KCNC4: variants seen among roughly 807,000 people sequenced by gnomAD.
KCNC4 encodes the protein voltage-gated potassium channel KCNC4.
Under a neutral mutation model 42.8 loss-of-function variants are expected in KCNC4, and 23 were observed. The observed-to-expected ratio is 0.54, with a 90% CI of 0.39 to 0.76. KCNC4 has a LOEUF of 0.76. Ranked by LOEUF, KCNC4 falls within the 30% of genes least tolerant of loss-of-function variation. The pLI is 0.00. For missense variants in KCNC4, 751 were observed against 898.2 expected (o/e 0.84, Z 2.10); for synonymous variants, 422 against 393.5 (o/e 1.07, Z -0.86).
chr1:110,264,040 T>C (rs1659498674), intron 1 of KCNC4, among the ~76,000 whole-genome samples: 2 of 152,152 alleles, frequency 1.3e-5, no homozygotes. Flanking sequence ...TTTTTTTAAC[T>C]GAACAGGTGT....
intron 1 of KCNC4, among the ~76,000 whole-genome samples, chr1:110,279,746 AT>A (rs370884820): frequency 9.1e-5 from 13 of 142,866 alleles, no homozygotes; most frequent in African/African-American, 1.0e-4. Context: ...CTCCATGTTA[AT>A]TTTTTTTTTA....
chr1:110,261,832 C>G (rs570581633), intron 1 of KCNC4, among the ~76,000 whole-genome samples: 1 of 152,236 alleles, frequency 6.6e-6, no homozygotes, highest in East Asian at 1.9e-4. Context: ...TAAAGGTTTA[C>G]CAATTTTCTC....
At chr1:110,237,524 T>C (rs1658934250), downstream of KCNC4, 1 of 152,174 alleles carries the variant, frequency 6.6e-6, no homozygotes, top group African/African-American at 2.4e-5. Flanking sequence ...TTCCCTTCCC[T>C]GAAAATGTTT....
At chr1:110,227,653 C>T (rs1358872195) in intron 3 of KCNC4, among the ~76,000 whole-genome samples, 1 of 152,230 alleles carries the variant, frequency 6.6e-6, no homozygotes, top group African/African-American at 2.4e-5. Flanking sequence ...AGGCCCAAAG[C>T]CTTGCTCTGG....
chr1:110,246,702 C>T (rs763730388), exon 4 of KCNC4: 1 of 151,904 alleles, frequency 6.6e-6, no homozygotes, highest in Admixed American at 6.6e-5. Context: ...TGGAGTGTCC[C>T]CTGGCTTTCC....
chr1:110,222,905 A>G (rs1001163032), intron 1 of KCNC4, 59 bp from the exon 2 acceptor site: 115 of 1,319,280 alleles, frequency 8.7e-5, no homozygotes, highest in Non-Finnish European at 1.2e-4. Flanking sequence ...CCACGTCCCC[A>G]GCTGGGCCCA....
rs141737007 is a variant in KCNC4, at chr1:110,212,478, C to T, written c.678+301C>T. Among the ~76,000 whole-genome samples the T allele has an allele frequency of 6.2e-4, 95 of 152,314 alleles. 3 individuals carry two copies. The South Asian group carries it at 0.019, about 31-fold the overall frequency. On this transcript the variant is annotated intron_variant, in intron 1 of 3. Transcript: ENST00000438661. Reference sequence around the variant, plus strand: ...GGTGCCCAGCTCAGCTCCTCCACCCCCTTCTTTGGTCTGCACAGGCTGCCC... The same window carrying T: ...GGTGCCCAGCTCAGCTCCTCCACCCTCTTCTTTGGTCTGCACAGGCTGCCC...
intron 1 of KCNC4, among the ~76,000 whole-genome samples, chr1:110,259,490 C>G (rs901171294): frequency 2.6e-5 from 4 of 152,206 alleles, no homozygotes; most frequent in African/African-American, 9.7e-5. Context: ...GATACCTGAT[C>G]TCTCAGACTC....
At chr1:110,279,792 A>ATTTTT (rs746438498) in intron 1 of KCNC4, among the ~76,000 whole-genome samples, 66 of 98,544 alleles carry the variant, frequency 6.7e-4, no homozygotes, top group Non-Finnish European at 7.9e-4. Context: ...GGCTTTAGGA[A>ATTTTT]TTTTTTTTTT....
intron 1 of KCNC4, among the ~76,000 whole-genome samples, chr1:110,270,738 T>A (rs1659620122): frequency 6.6e-6 from 1 of 152,214 alleles, no homozygotes; most frequent in Admixed American, 6.5e-5. Context: ...AAAGTGGGCC[T>A]GGCTCTTCTC....
chr1:110,231,609 A>G (rs913387217), intron 3 of KCNC4, among the ~76,000 whole-genome samples: 4 of 152,122 alleles, frequency 2.6e-5, no homozygotes, highest in African/African-American at 9.7e-5. Context: ...GGGAGCCCAG[A>G]GGCACTTCCC....
chr1:110,261,060 A>G lies in KCNC4; in HGVS notation n.31-21474A>G, dbSNP rs533883601. On this transcript the variant is annotated intron_variant and non_coding_transcript_variant, in intron 1 of 2. Coordinates refer to the KCNC4 transcript ENST00000412512. The stretch of plus-strand genomic sequence containing the variant: ...AGCTAATGATAGCAGAAAATTTCCC[A>G]ATTAGTAAGATATTTAAAAATTAAG... Among the ~76,000 whole-genome samples the G allele has an allele frequency of 3.3e-5, 5 of 152,372 alleles. No homozygotes were observed. In the South Asian group the frequency reaches 1.0e-3, roughly 32 times the overall value.
chr1:110,266,845 G>T (rs546421663), intron 1 of KCNC4, among the ~76,000 whole-genome samples: 1 of 152,142 alleles, frequency 6.6e-6, no homozygotes, highest in Non-Finnish European at 1.5e-5. Context: ...CGAGGACCCC[G>T]TGCCTTGATG....
Position 110,210,653 on chromosome 1 carries a change from CA to C in KCNC4, c.-846del, listed in dbSNP as rs1201939218. Among the ~76,000 whole-genome samples the C allele has an allele frequency of 6.6e-6, 1 of 151,358 alleles. No homozygotes were observed. The highest frequency in any genetic ancestry group is 2.4e-5 in the African/African-American group (1 of 41,324). On this transcript the variant is annotated 5_prime_UTR_variant, in exon 1 of 4. The change creates a premature stop within an existing upstream ORF in the 5' untranslated region. Transcript: ENST00000438661. ...GGCTCCCCAGAGCGGCCCCGCCCCCCAGGCTCGGCGCCGCGCAGGACGCCCC... is the reference window on the plus strand; with the variant it reads ...GGCTCCCCAGAGCGGCCCCGCCCCCCGGCTCGGCGCCGCGCAGGACGCCCC...
intron 1 of KCNC4, among the ~76,000 whole-genome samples, chr1:110,216,396 C>T (rs1001811802): frequency 6.6e-6 from 1 of 152,218 alleles, no homozygotes; most frequent in African/African-American, 2.4e-5. Context: ...AGGCAGGGGC[C>T]AGGCTGAAGG....
intron 1 of KCNC4, among the ~76,000 whole-genome samples, chr1:110,280,075 C>T (rs146554117): frequency 6.6e-6 from 1 of 152,176 alleles, no homozygotes; most frequent in East Asian, 1.9e-4. Flanking sequence ...GCCACCGCAC[C>T]CGGCTGGAAT....
At chr1:110,216,117 A>G (rs1002821580) in intron 1 of KCNC4, among the ~76,000 whole-genome samples, 2 of 152,242 alleles carry the variant, frequency 1.3e-5, no homozygotes, top group African/African-American at 4.8e-5. Flanking sequence ...CATGAAACCA[A>G]GGCCTTCTAG....
intron 1 of KCNC4, among the ~76,000 whole-genome samples, chr1:110,271,317 T>G (rs372963773): frequency 1.3e-5 from 2 of 152,176 alleles, no homozygotes; most frequent in South Asian, 4.1e-4. Flanking sequence ...TACTCCAAAT[T>G]CCCTCTTTAT....
chr1:110,258,323 C>T (rs759079274), intron 1 of KCNC4, among the ~76,000 whole-genome samples: 5 of 152,060 alleles, frequency 3.3e-5, no homozygotes, highest in African/African-American at 1.2e-4. Context: ...CTGCAACCTC[C>T]GCCTCCTGGG....
Sources: allele counts gnomAD v4.1 joint callset (sites outside exome capture counted in the v4.1 genomes callset), GRCh38; gene constraint gnomAD v4.1.1; transcripts MANE v1.5; gene names NCBI Gene and HGNC (gene_info 2026-07-23, HGNC 2026-07-21).